Variants in CDH10 observed in about 807,000 individuals in gnomAD.
The protein encoded by CDH10 is cadherin-10.
Under a neutral mutation model 73.1 loss-of-function variants are expected in CDH10, and 30 were observed. That is an observed-to-expected ratio of 0.41 (90% confidence interval 0.31 to 0.56). The LOEUF is 0.56. CDH10 is among the 20% of genes least tolerant of loss of function. The pLI is 0.27. For missense variants in CDH10, 815 were observed against 973.7 expected (o/e 0.84, Z 2.17); for synonymous variants, 345 against 348.2 (o/e 0.99, Z 0.10).
chr5:24,564,394 G>A (rs891803619), intron 2 of CDH10, among the ~76,000 whole-genome samples: 4 of 152,182 alleles, frequency 2.6e-5, no homozygotes, highest in Non-Finnish European at 5.9e-5. Flanking sequence ...TCTACATGGT[G>A]TGTTTTCAGT....
At chr5:24,629,925 G>C (rs1332105648) in intron 1 of CDH10, among the ~76,000 whole-genome samples, 1 of 152,080 alleles carries the variant, frequency 6.6e-6, no homozygotes, top group Non-Finnish European at 1.5e-5. Context: ...AACACCTTTT[G>C]TGTCTCTCAT....
In CDH10 at chr5:24,615,560, T is replaced by G. The variant is rs79889989; in HGVS notation, c.-123-21947A>C. 6.1e-3 allele frequency among the ~76,000 whole-genome samples: 929 copies of G among 152,344 alleles called. 6 individuals carry two copies. Among genetic ancestry groups the G allele is most frequent in the Non-Finnish European group, 9.9e-3 (673 of 68,018 alleles). On this transcript the variant is annotated intron_variant, in intron 1 of 11. Transcript: ENST00000264463. ...AAAAAACGGAACAAAACAGATAATA[T>G]GTGAATGACTTCAATTCTTTCTAAG...
At chr5:24,525,380 TTTTA>T (rs1743494207) in intron 5 of CDH10, among the ~76,000 whole-genome samples, 1 of 152,092 alleles carries the variant, frequency 6.6e-6, no homozygotes, top group Non-Finnish European at 1.5e-5. Flanking sequence ...AGCTTAATTT[TTTTA>T]TTTGCTTTGT....
chr5:24,537,666 T>C lies in CDH10; in HGVS notation c.240A>G (p.Ser80=). The change falls in exon 3 of 12, where the codon TCA becomes TCG. Residue 80 remains serine (S), a synonymous_variant. Transcript: ENST00000264463. ...SDYQYVGKLH[S]DQDKGDGSLK... ...GTGATCCATCTCCTTTATCTTGGTC[T>C]GAATGTAGCTAGGGGAAATAAAAAA... The C allele has an allele frequency of 3.2e-6, 5 of 1,582,528 alleles. No homozygotes were observed. The highest frequency in any genetic ancestry group is 4.3e-6 in the Non-Finnish European group (5 of 1,155,724).
chr5:24,641,142 C>T (rs1748037537), intron 1 of CDH10, among the ~76,000 whole-genome samples: 1 of 151,840 alleles, frequency 6.6e-6, no homozygotes, highest in African/African-American at 2.4e-5. Flanking sequence ...GACTTATACG[C>T]TTTAGGTGCC....
At chr5:24,623,553 T>A (rs1036714470) in intron 1 of CDH10, among the ~76,000 whole-genome samples, 1 of 152,158 alleles carries the variant, frequency 6.6e-6, no homozygotes, top group Non-Finnish European at 1.5e-5. Context: ...TGGAAAATGA[T>A]GCAATATTAG....
intron 1 of CDH10, among the ~76,000 whole-genome samples, chr5:24,599,896 G>T (rs17520682): frequency 0.023 from 3,458 of 152,178 alleles, 61 homozygotes; most frequent in South Asian, 0.06. Context: ...CCCACTTTTA[G>T]ATGGCCCGTC....
At chr5:24,511,208 A>G in intron 6 of CDH10, 119 bp downstream of exon 6, 1 of 716,728 alleles carries the variant, frequency 1.4e-6, no homozygotes, top group Admixed American at 2.5e-5. Context: ...CACAGTATAA[A>G]TTACATTGCT....
intron 2 of CDH10, among the ~76,000 whole-genome samples, chr5:24,581,622 C>G (rs912914221): frequency 3.3e-5 from 5 of 152,072 alleles, no homozygotes; most frequent in Non-Finnish European, 5.9e-5. Context: ...GTGTTCCACG[C>G]CTGTTATGAA....
chr5:24,642,632 T>C (rs1748090370), intron 1 of CDH10, among the ~76,000 whole-genome samples: 1 of 152,168 alleles, frequency 6.6e-6, no homozygotes, highest in Admixed American at 6.6e-5. Flanking sequence ...ATTACCTGCA[T>C]AGCACTGTTC....
intron 5 of CDH10, among the ~76,000 whole-genome samples, chr5:24,523,439 T>C (rs983684761): frequency 2.6e-5 from 4 of 151,472 alleles, no homozygotes; most frequent in African/African-American, 7.3e-5. Flanking sequence ...ATAGAAGAAA[T>C]AATCAGTTTA....
intron 2 of CDH10, among the ~76,000 whole-genome samples, chr5:24,548,050 A>ATT (rs1177135915): frequency 6.6e-6 from 1 of 152,322 alleles, no homozygotes; most frequent in East Asian, 1.9e-4. Flanking sequence ...TTCAAAATTC[A>ATT]TGTAAGCGTT....
In CDH10 at chr5:24,511,555, GA is replaced by G; in HGVS notation, c.815-42del. ...AAAAGAAGAGAGAGACAGAGAGAGA[GA>G]GAGAGAGAGAGAGAGAGAGAGAGAG... On this transcript the variant is annotated intron_variant, in intron 5 of 11. Coordinates refer to ENST00000264463, the MANE Select transcript of CDH10 (RefSeq NM_006727.5). The G allele has an allele frequency of 2.9e-5, 6 of 210,488 alleles. No individual in the cohort carries two copies. The South Asian group carries it at 4.8e-4, about 17-fold the overall frequency. 13.0% of individuals were successfully genotyped at this position (210,488 alleles called of 1,614,324 possible).
At chr5:24,578,853 A>T (rs568921497) in intron 2 of CDH10, among the ~76,000 whole-genome samples, 5 of 152,180 alleles carry the variant, frequency 3.3e-5, no homozygotes, top group Non-Finnish European at 7.4e-5. Flanking sequence ...TAAGTTTGCC[A>T]TCTAAATCCA....
Position 24,488,866 on chromosome 5 carries a change from C to T in CDH10, c.1877-713G>A, listed in dbSNP as rs149728303. 8.7e-3 allele frequency among the ~76,000 whole-genome samples: 1,264 copies of T among 144,676 alleles called. 11 individuals are homozygous for T. Among genetic ancestry groups the T allele is most frequent in the South Asian group, 0.04 (181 of 4,472 alleles). The allele number at this position is 144,676 out of a possible 152,430, so 94.9% of individuals were successfully genotyped here. Reference sequence around the variant, plus strand: ...TTCTCAAATTGCAATACTGAACTAACTCCCCCCAAAAATGTATGAATCTTG... The same window carrying T: ...TTCTCAAATTGCAATACTGAACTAATTCCCCCCAAAAATGTATGAATCTTG... On this transcript the variant is annotated intron_variant, in intron 11 of 11. Coordinates refer to ENST00000264463, the MANE Select transcript of CDH10 (RefSeq NM_006727.5).
Position 24,617,774 on chromosome 5 carries a change from C to T in CDH10, c.-123-24161G>A. Reference sequence around the variant, plus strand: ...ATCCATGCTCCTTTGCTATGTGCCTCCCAGAGGCCTCCCTGCAGAAGAGAT... The same window carrying T: ...ATCCATGCTCCTTTGCTATGTGCCTTCCAGAGGCCTCCCTGCAGAAGAGAT... On this transcript the variant is annotated intron_variant, in intron 1 of 11. Transcript: ENST00000264463. 2.0e-5 allele frequency among the ~76,000 whole-genome samples: 3 copies of T among 152,266 alleles called. No homozygotes were observed. The South Asian group carries it at 6.2e-4, about 32-fold the overall frequency.
chr5:24,624,227 T>A (rs540702350), intron 1 of CDH10, among the ~76,000 whole-genome samples: 1 of 152,172 alleles, frequency 6.6e-6, no homozygotes. Flanking sequence ...ATAAGCCATA[T>A]GAAATGTTTT....
rs185908401 is a variant in CDH10 at position 24,567,479 on chromosome 5, C to A, written c.231+25781G>T. ...CACTCAGCAATAAACAGGAATGAAC[C>A]ACTGATTAAAATAATAGCATACAAG... On this transcript the variant is annotated intron_variant, in intron 2 of 11. Transcript: ENST00000264463. Among the ~76,000 whole-genome samples, 21 of 151,360 alleles carry A rather than the reference C, an allele frequency of 1.4e-4. No homozygotes were observed. The East Asian group carries it at 3.9e-3, about 28-fold the overall frequency.
chr5:24,504,787 G>A (rs1742643196), intron 8 of CDH10, among the ~76,000 whole-genome samples: 1 of 151,848 alleles, frequency 6.6e-6, no homozygotes, highest in South Asian at 2.1e-4. Context: ...GCCTCCCAAA[G>A]TGCTGGGATT....
Sources: allele counts gnomAD v4.1 joint callset (sites outside exome capture counted in the v4.1 genomes callset), GRCh38; gene constraint gnomAD v4.1.1; transcripts MANE v1.5; gene names NCBI Gene and HGNC (gene_info 2026-07-23, HGNC 2026-07-21).